The following CAMKMT variants were observed in gnomAD, a reference collection of about 807,000 sequenced individuals.
The protein encoded by CAMKMT is CaM KMT.
A neutral mutation model predicts 48.0 loss-of-function variants in CAMKMT; 53 were observed. The ratio of observed to expected loss-of-function variants is 1.10; its 90% confidence interval spans 0.89 to 1.39. The LOEUF is 1.39. CAMKMT is among the 40% of genes most tolerant of loss of function. The pLI is 0.00. For missense variants in CAMKMT, 428 were observed against 402.7 expected, an observed-to-expected ratio of 1.06 and a Z score of -0.54; for synonymous variants, 165 against 152.3, an observed-to-expected ratio of 1.08 and a Z score of -0.61.
chr2:44,756,093 C>T (rs1002949768), intron 9 of CAMKMT, among the ~76,000 whole-genome samples: 9 of 152,192 alleles, frequency 5.9e-5, no homozygotes, highest in Non-Finnish European at 1.2e-4. Flanking sequence ...GAACCTCATC[C>T]CCATCAACAG....
At chr2:44,752,152 G>A (rs908900038) in intron 8 of CAMKMT, among the ~76,000 whole-genome samples, 36 of 152,018 alleles carry the variant, frequency 2.4e-4, no homozygotes, top group Middle Eastern at 3.4e-3. Flanking sequence ...TTGGCATCCT[G>A]GATATTCCAG....
At chr2:44,516,303 C>T (rs1256540019) in intron 3 of CAMKMT, among the ~76,000 whole-genome samples, 1 of 152,128 alleles carries the variant, frequency 6.6e-6, no homozygotes, top group Non-Finnish European at 1.5e-5. Flanking sequence ...CAGGGGGAAG[C>T]CATGCAGTTA....
intron 9 of CAMKMT, among the ~76,000 whole-genome samples, chr2:44,766,132 C>T (rs1011056113): frequency 6.6e-6 from 1 of 152,190 alleles, no homozygotes; most frequent in Non-Finnish European, 1.5e-5. Flanking sequence ...ACCCACTGGA[C>T]CTGAGACAAT....
chr2:44,462,806 A>G (rs1481978139), intron 3 of CAMKMT, among the ~76,000 whole-genome samples: 3 of 152,130 alleles, frequency 2.0e-5, no homozygotes, highest in Non-Finnish European at 4.4e-5. Flanking sequence ...CTCTTAATCT[A>G]AAGATTTCTT....
At chr2:44,638,232 G>C (rs866149983) in intron 3 of CAMKMT, among the ~76,000 whole-genome samples, 38 of 151,990 alleles carry the variant, frequency 2.5e-4, no homozygotes, top group African/African-American at 9.2e-4. Context: ...TATTTCTCTT[G>C]TTTCTTTCAA....
intron 7 of CAMKMT, among the ~76,000 whole-genome samples, chr2:44,728,663 A>G (rs975771854): frequency 1.3e-5 from 2 of 152,164 alleles, no homozygotes; most frequent in African/African-American, 4.8e-5. Context: ...GCTTCCAGGA[A>G]TGTATCCATT....
At chr2:44,675,543 C>T (rs1010198544) in intron 3 of CAMKMT, among the ~76,000 whole-genome samples, 2 of 152,112 alleles carry the variant, frequency 1.3e-5, no homozygotes, top group Non-Finnish European at 2.9e-5. Context: ...TATTGACATA[C>T]AAGACAAATT....
chr2:44,374,775 G>T (rs1428635141), intron 2 of CAMKMT, among the ~76,000 whole-genome samples: 1 of 152,032 alleles, frequency 6.6e-6, no homozygotes, highest in Non-Finnish European at 1.5e-5. Flanking sequence ...ATGACATTGA[G>T]TTGGAAAAAA....
intron 3 of CAMKMT, among the ~76,000 whole-genome samples, chr2:44,583,715 G>A (rs1230986089): frequency 1.3e-5 from 2 of 152,126 alleles, no homozygotes; most frequent in Admixed American, 6.5e-5. Context: ...AGGATGGCTT[G>A]AGCCCAGAAG....
At chr2:44,745,941 G>T (rs1258807624) in intron 8 of CAMKMT, among the ~76,000 whole-genome samples, 1 of 152,208 alleles carries the variant, frequency 6.6e-6, no homozygotes, top group East Asian at 1.9e-4. Flanking sequence ...TTGCATGGAT[G>T]CTGCTTCTAG....
chr2:44,373,470 C>T (rs562254751), intron 2 of CAMKMT, among the ~76,000 whole-genome samples: 2 of 152,230 alleles, frequency 1.3e-5, no homozygotes, highest in South Asian at 4.1e-4. Context: ...AATTTTCTCT[C>T]ACAGTTATGT....
At chr2:44,415,428 A>T (rs959206568) in intron 3 of CAMKMT, among the ~76,000 whole-genome samples, 1 of 152,226 alleles carries the variant, frequency 6.6e-6, no homozygotes, top group Admixed American at 6.5e-5. Context: ...GTGGTTACAA[A>T]TCAGTCTTGC....
intron 7 of CAMKMT, among the ~76,000 whole-genome samples, chr2:44,728,678 C>G (rs768174187): frequency 6.6e-6 from 1 of 152,118 alleles, no homozygotes; most frequent in Non-Finnish European, 1.5e-5. Flanking sequence ...TCCATTTCCT[C>G]TAGATTTTCT....
intron 3 of CAMKMT, among the ~76,000 whole-genome samples, chr2:44,570,704 T>C (rs1038051311): frequency 6.6e-6 from 1 of 152,170 alleles, no homozygotes; most frequent in African/African-American, 2.4e-5. Context: ...GTTTTTTTGT[T>C]TGAATAATTT....
intron 3 of CAMKMT, among the ~76,000 whole-genome samples, chr2:44,494,874 A>G (rs1409655367): frequency 6.6e-6 from 1 of 152,222 alleles, no homozygotes; most frequent in African/African-American, 2.4e-5. Context: ...AAGCTCAAGT[A>G]ATCAGAGCAC....
intron 3 of CAMKMT, among the ~76,000 whole-genome samples, chr2:44,485,923 C>T (rs1449900974): frequency 6.6e-6 from 1 of 152,050 alleles, no homozygotes; most frequent in African/African-American, 2.4e-5. Context: ...ACTAATATTC[C>T]ATTTCTTAAA....
intron 3 of CAMKMT, among the ~76,000 whole-genome samples, chr2:44,425,609 G>C (rs1288295713): frequency 6.6e-6 from 1 of 151,940 alleles, no homozygotes; most frequent in African/African-American, 2.4e-5. Context: ...CATACAATGA[G>C]TAATTGATGT....
intron 3 of CAMKMT, among the ~76,000 whole-genome samples, chr2:44,525,268 T>C (rs1331942410): frequency 6.6e-6 from 1 of 152,174 alleles, no homozygotes; most frequent in Non-Finnish European, 1.5e-5. Context: ...GAGATATTTT[T>C]TTTTTGAGAT....
intron 3 of CAMKMT, among the ~76,000 whole-genome samples, chr2:44,673,580 C>G (rs1460723553): frequency 1.3e-5 from 2 of 151,974 alleles, no homozygotes; most frequent in African/African-American, 2.4e-5. Context: ...ATGAGTGTGA[C>G]CAGCTTGCTT....
Sources: gnomAD v4.1 joint callset for allele counts (sites outside exome capture counted in the v4.1 genomes callset) on GRCh38, gnomAD v4.1.1 for gene constraint, MANE v1.5 for transcripts, NCBI Gene and HGNC (gene_info 2026-07-23, HGNC 2026-07-21) for gene names.